TRAPPC9: variants seen among roughly 807,000 people sequenced by gnomAD.
The protein encoded by TRAPPC9 is IKK2 binding protein.
Under a neutral mutation model 124.0 loss-of-function variants are expected in TRAPPC9, and 83 were observed. The observed-to-expected ratio is 0.67, with a 90% CI of 0.56 to 0.80. TRAPPC9 has a LOEUF of 0.80. Among genes scored for constraint, TRAPPC9 ranks in the 30% least tolerant of loss-of-function variants. The pLI, the probability that TRAPPC9 is intolerant of heterozygous loss-of-function variation, is 0.00. For synonymous variants in TRAPPC9, 638 were observed against 617.5 expected (o/e 1.03, Z -0.49); for missense variants, 1,302 against 1,508.3 (o/e 0.86, Z 2.27).
In TRAPPC9 at chr8:140,097,022, T is replaced by C. The variant is rs774603107; in HGVS notation, c.2557-72943A>G. On this transcript the variant is annotated intron_variant, in intron 17 of 22. Coordinates refer to ENST00000438773, the MANE Select transcript of TRAPPC9 (RefSeq NM_001160372.4). This position sits in a 1 kb window ranked among gnomAD's most constrained non-coding sequence, Gnocchi z 4.2. Reference sequence around the variant, plus strand: ...TGAAAACCTGTCCAGGTCGCTGGTGTATAGCCAGAACAATGGCACGGGGCA... The same window carrying C: ...TGAAAACCTGTCCAGGTCGCTGGTGCATAGCCAGAACAATGGCACGGGGCA... 1 of 152,360 alleles carries C rather than the reference T, an allele frequency of 6.6e-6. No homozygotes were observed. 9.4% of individuals were successfully genotyped at this position (152,360 alleles called of 1,614,324 possible).
At chr8:140,258,704 G>C (rs567857319) in intron 15 of TRAPPC9, among the ~76,000 whole-genome samples, 2 of 152,120 alleles carry the variant, frequency 1.3e-5, no homozygotes, top group African/African-American at 2.4e-5. Context: ...TTTCTTTTTC[G>C]ATCCAGTCAA....
chr8:140,074,273 G>A (rs529258400), intron 17 of TRAPPC9, among the ~76,000 whole-genome samples: 2 of 152,194 alleles, frequency 1.3e-5, no homozygotes, highest in Non-Finnish European at 2.9e-5. Context: ...TGGAGTGGGC[G>A]GGCCCTGGGA....
At chr8:140,234,459 G>A (rs1387871670) in intron 16 of TRAPPC9, among the ~76,000 whole-genome samples, 1 of 152,246 alleles carries the variant, frequency 6.6e-6, no homozygotes, top group Non-Finnish European at 1.5e-5. Flanking sequence ...TGGACGCTGA[G>A]CTCCTAGAGG....
At chr8:140,403,240 C>T (rs991108401) in intron 6 of TRAPPC9, among the ~76,000 whole-genome samples, 2 of 152,060 alleles carry the variant, frequency 1.3e-5, no homozygotes, top group African/African-American at 4.8e-5. Flanking sequence ...ACCAGCCTGG[C>T]CAACATGGTG....
At chr8:139,749,096 T>A (rs1819144405) in intron 21 of TRAPPC9, among the ~76,000 whole-genome samples, 1 of 152,132 alleles carries the variant, frequency 6.6e-6, no homozygotes, top group Non-Finnish European at 1.5e-5. Context: ...TCTGATCACG[T>A]CCCCTGTGGT....
At chr8:140,269,328 T>C (rs1211136687) in intron 15 of TRAPPC9, among the ~76,000 whole-genome samples, 7 of 151,464 alleles carry the variant, frequency 4.6e-5, no homozygotes, top group Non-Finnish European at 8.8e-5. Context: ...GATCACGAGG[T>C]CAGGAGATCA....
intron 6 of TRAPPC9, among the ~76,000 whole-genome samples, chr8:140,400,385 G>A (rs2069225504): frequency 6.6e-6 from 1 of 152,126 alleles, no homozygotes; most frequent in Non-Finnish European, 1.5e-5. Flanking sequence ...ATTATCAATG[G>A]ATGCTTTGCT....
At chr8:139,895,394 C>T (rs562994994) in intron 20 of TRAPPC9, among the ~76,000 whole-genome samples, 12 of 151,936 alleles carry the variant, frequency 7.9e-5, no homozygotes, top group Admixed American at 3.3e-4. Context: ...AAAAAAATTA[C>T]GGTAAAAAGG....
chr8:140,280,130 G>A (rs556180746), intron 14 of TRAPPC9, among the ~76,000 whole-genome samples: 13 of 152,292 alleles, frequency 8.5e-5, no homozygotes, highest in Middle Eastern at 3.4e-3. Flanking sequence ...CTAGCCTAGC[G>A]CCCACTGGGT....
Position 139,879,082 on chromosome 8 carries a change from G to A in TRAPPC9, c.3055+6797C>T, listed in dbSNP as rs935487828. ...GGGGATACTGAGTCTGCCAGGGAACGAGGGCCCAGCCCGGCATGGCGGCCT... is the reference window on the plus strand; with the variant it reads ...GGGGATACTGAGTCTGCCAGGGAACAAGGGCCCAGCCCGGCATGGCGGCCT... On this transcript the variant is annotated intron_variant, in intron 21 of 22. Transcript: ENST00000438773. 9.9e-5 allele frequency among the ~76,000 whole-genome samples: 15 copies of A among 152,262 alleles called. No individual in the cohort carries two copies. In the East Asian group the frequency reaches 1.5e-3, roughly 16 times the overall value.
At chr8:140,271,494 T>A (rs2064879439) in intron 15 of TRAPPC9, among the ~76,000 whole-genome samples, 1 of 151,420 alleles carries the variant, frequency 6.6e-6, no homozygotes, top group Non-Finnish European at 1.5e-5. Context: ...AGGGTATACA[T>A]AAAGAAGTCC....
In TRAPPC9 at chr8:139,825,631, A is replaced by T. The variant is rs952302738; in HGVS notation, c.3055+60248T>A. ...AAGTTCTGAGAAAAAAGTCACTTCC[A>T]CCCGGGGGAAATTTCATGGCTCTGG... is the stretch of plus-strand genomic sequence containing the variant. On this transcript the variant is annotated intron_variant, in intron 21 of 22. Transcript: ENST00000438773. This position sits in a 1 kb window ranked among gnomAD's most constrained non-coding sequence, Gnocchi z 4.6. 5.9e-5 allele frequency among the ~76,000 whole-genome samples: 9 copies of T among 151,862 alleles called. No individual in the cohort carries two copies. Among genetic ancestry groups the T allele is most frequent in the East Asian group, 1.9e-4 (1 of 5,180 alleles).
Position 139,730,863 on chromosome 8 carries a change from G to A in TRAPPC9, c.*198C>T, listed in dbSNP as rs752932738. 2.3e-5 allele frequency: 14 copies of A among 621,902 alleles called. No individual in the cohort carries two copies. The highest frequency in any genetic ancestry group is 3.4e-5 in the Non-Finnish European group (12 of 355,604). The allele number at this position is 621,902 out of a possible 1,614,324, so 38.5% of individuals were successfully genotyped here. On this transcript the variant is annotated 3_prime_UTR_variant, in exon 23 of 23. Transcript: ENST00000438773. ...CAGTGTAGGAAGGGGCGTGGCATGG[G>A]GTGGGGCTGCCATGTCCGGGGCTTC...
chr8:140,212,497 A>T (rs1009729653), intron 17 of TRAPPC9, among the ~76,000 whole-genome samples: 1 of 152,110 alleles, frequency 6.6e-6, no homozygotes, highest in African/African-American at 2.4e-5. Flanking sequence ...TTTTTGCTTA[A>T]AATTTTTGCA....
intron 17 of TRAPPC9, among the ~76,000 whole-genome samples, chr8:140,155,538 G>C (rs904482132): frequency 6.6e-6 from 1 of 152,174 alleles, no homozygotes; most frequent in African/African-American, 2.4e-5. Flanking sequence ...TACAACGGAG[G>C]GGAGCTCGCA....
rs553570696 is a variant in TRAPPC9, at chr8:140,226,140, C to A, written c.2432-4557G>T. 1.1e-3 allele frequency among the ~76,000 whole-genome samples: 164 copies of A among 152,232 alleles called. 1 individual carries two copies. The highest frequency in any genetic ancestry group is 2.0e-3 in the Non-Finnish European group (134 of 68,024). ...GGTGGGATCAAGGTTGGCCTTGATC[C>A]TGCCATGGCCAGAGATGAAAACATC... is the stretch of plus-strand genomic sequence containing the variant. On this transcript the variant is annotated intron_variant, in intron 16 of 22. Transcript: ENST00000438773.
At chr8:140,010,501 A>G (rs892826605) in intron 18 of TRAPPC9, among the ~76,000 whole-genome samples, 1 of 152,238 alleles carries the variant, frequency 6.6e-6, no homozygotes, top group Non-Finnish European at 1.5e-5. Flanking sequence ...AGATGAATGG[A>G]AAAAGATTAA....
intron 17 of TRAPPC9, among the ~76,000 whole-genome samples, chr8:140,091,985 A>C (rs1404940114): frequency 4.7e-5 from 6 of 128,664 alleles, no homozygotes; most frequent in African/African-American, 1.5e-4. Flanking sequence ...AACGCTGACC[A>C]CCCCCAGCCC....
chr8:140,263,132 G>A (rs1447806106), intron 15 of TRAPPC9, among the ~76,000 whole-genome samples: 1 of 152,188 alleles, frequency 6.6e-6, no homozygotes, highest in Admixed American at 6.5e-5. Context: ...ACGGGCTGCT[G>A]AGGAGTCCAG....
Sources: allele counts gnomAD v4.1 joint callset (sites outside exome capture counted in the v4.1 genomes callset), GRCh38; gene constraint gnomAD v4.1.1; non-coding constraint Gnocchi (gnomAD v3.1); transcripts MANE v1.5; gene names NCBI Gene and HGNC (gene_info 2026-07-23, HGNC 2026-07-21).